The following KCNIP4 variants were observed in gnomAD, a reference collection of about 807,000 sequenced individuals.
KCNIP4 encodes the protein Kv channel-interacting protein 4.
A neutral mutation model predicts 34.0 loss-of-function variants in KCNIP4; 12 were observed. The ratio of observed to expected loss-of-function variants is 0.35; its 90% CI spans 0.23 to 0.57. The LOEUF is 0.57. KCNIP4 is among the 20% of genes least tolerant of loss of function. The pLI is 0.83. For synonymous variants in KCNIP4, 124 were observed against 102.2 expected (o/e 1.21, Z -1.29); for missense variants, 238 against 311.7 (o/e 0.76, Z 1.78).
intron 1 of KCNIP4, among the ~76,000 whole-genome samples, chr4:21,328,319 A>C (rs1208320903): frequency 2.0e-5 from 3 of 152,160 alleles, no homozygotes; most frequent in African/African-American, 7.2e-5. Flanking sequence ...TTGCAGATTC[A>C]TGGAGATACT....
intron 3 of KCNIP4, among the ~76,000 whole-genome samples, chr4:20,796,941 T>C (rs1049426002): frequency 6.6e-6 from 1 of 152,236 alleles, no homozygotes; most frequent in Non-Finnish European, 1.5e-5. Flanking sequence ...CATTTTCTCT[T>C]GAGTAAGTTA....
At chr4:21,758,876 T>A (rs988489825) in intron 1 of KCNIP4, among the ~76,000 whole-genome samples, 2 of 152,138 alleles carry the variant, frequency 1.3e-5, no homozygotes, top group Non-Finnish European at 2.9e-5. Flanking sequence ...TTGGGTAAGA[T>A]GTGTGACTTC....
At chr4:21,198,185 G>A (rs749782162) in intron 1 of KCNIP4, among the ~76,000 whole-genome samples, 39 of 152,162 alleles carry the variant, frequency 2.6e-4, no homozygotes, top group Non-Finnish European at 4.7e-4. Context: ...CATTATTCTC[G>A]CTTCTAACAA....
At chr4:21,877,548 G>A (rs1377089379) in intron 1 of KCNIP4, among the ~76,000 whole-genome samples, 1 of 152,086 alleles carries the variant, frequency 6.6e-6, no homozygotes, top group Non-Finnish European at 1.5e-5. Context: ...TGTATCTTAA[G>A]TCTCTCCTCC....
chr4:21,099,504 G>A (rs56926193), intron 1 of KCNIP4, among the ~76,000 whole-genome samples: 2,527 of 152,100 alleles, frequency 0.017, 81 homozygotes, highest in African/African-American at 0.057. Context: ...ATAGCTAATG[G>A]ATGCTGAGCT....
chr4:21,256,549 T>A (rs552245807), intron 1 of KCNIP4, among the ~76,000 whole-genome samples: 5 of 151,868 alleles, frequency 3.3e-5, no homozygotes, highest in Non-Finnish European at 7.4e-5. Context: ...CAGTGAGCTA[T>A]GATTATGCCA....
chr4:21,520,172 C>T (rs779283063), intron 1 of KCNIP4, among the ~76,000 whole-genome samples: 46 of 152,132 alleles, frequency 3.0e-4, no homozygotes, highest in Non-Finnish European at 5.9e-4. Flanking sequence ...GTTTGCCTTT[C>T]CCAGCCCACT....
intron 1 of KCNIP4, among the ~76,000 whole-genome samples, chr4:21,075,038 G>A (rs1312174641): frequency 6.6e-6 from 1 of 152,162 alleles, no homozygotes; most frequent in East Asian, 1.9e-4. Flanking sequence ...TACATTTGCT[G>A]AGGAGAGCTT....
In KCNIP4 at chr4:21,269,655, A is replaced by G. The variant is rs527713561; in HGVS notation, c.62-386946T>C. 1.4e-3 allele frequency among the ~76,000 whole-genome samples: 216 copies of G among 152,256 alleles called. 1 individual carries two copies. Among genetic ancestry groups the G allele is most frequent in the Non-Finnish European group, 2.3e-3 (154 of 68,016 alleles). On this transcript the variant is annotated intron_variant, in intron 1 of 8. Transcript: ENST00000382152. ...AGCAATCCTCCCACCTCAGCCTCTT[A>G]AAGTGCTGGGATTTTAGGCATGAGC...
chr4:21,381,826 T>C (rs1410106407), intron 1 of KCNIP4, among the ~76,000 whole-genome samples: 5 of 152,184 alleles, frequency 3.3e-5, no homozygotes, highest in Non-Finnish European at 4.4e-5. Context: ...GAGGAGTAAG[T>C]ATTAAATTGT....
At chr4:21,347,602 C>G (rs1717579428) in intron 1 of KCNIP4, among the ~76,000 whole-genome samples, 1 of 152,182 alleles carries the variant, frequency 6.6e-6, no homozygotes. Context: ...TACTGATGTG[C>G]TCTCATACTA....
At chr4:21,496,869 G>C (rs1263014527) in intron 1 of KCNIP4, among the ~76,000 whole-genome samples, 1 of 152,168 alleles carries the variant, frequency 6.6e-6, no homozygotes, top group Non-Finnish European at 1.5e-5. Context: ...AGATGGAACA[G>C]TTTCATCCCC....
chr4:20,883,586 G>A (rs577872495), intron 1 of KCNIP4, among the ~76,000 whole-genome samples: 19 of 152,166 alleles, frequency 1.2e-4, no homozygotes, highest in Admixed American at 5.9e-4. Flanking sequence ...TAGCCTCCCC[G>A]AGATCAGCAT....
chr4:21,002,933 A>G (rs1209624780), intron 1 of KCNIP4, among the ~76,000 whole-genome samples: 2 of 152,218 alleles, frequency 1.3e-5, no homozygotes, highest in Non-Finnish European at 2.9e-5. Flanking sequence ...TTATCAGAGC[A>G]TATCATGGTT....
At chr4:21,384,760 T>C (rs1326855103) in intron 1 of KCNIP4, among the ~76,000 whole-genome samples, 1 of 152,204 alleles carries the variant, frequency 6.6e-6, no homozygotes, top group African/African-American at 2.4e-5. Context: ...CTGTAAATTA[T>C]GGATGACAAC....
intron 1 of KCNIP4, among the ~76,000 whole-genome samples, chr4:21,093,302 T>C (rs558256475): frequency 3.3e-5 from 5 of 152,206 alleles, no homozygotes; most frequent in Non-Finnish European, 7.3e-5. Context: ...ACCTTCCTAA[T>C]AGCCCTTAAT....
intron 1 of KCNIP4, among the ~76,000 whole-genome samples, chr4:21,462,767 G>T (rs1337651237): frequency 3.2e-5 from 1 of 31,018 alleles, no homozygotes; most frequent in Non-Finnish European, 5.1e-5. Context: ...GTATTCCATT[G>T]TGTGTGTGTG....
At chr4:21,123,732 C>A (rs1344143426) in intron 1 of KCNIP4, among the ~76,000 whole-genome samples, 1 of 152,114 alleles carries the variant, frequency 6.6e-6, no homozygotes, top group Non-Finnish European at 1.5e-5. Flanking sequence ...GAGATAAGGT[C>A]ATGTGGGTGG....
At chr4:21,921,067 C>T (rs181218855) in intron 1 of KCNIP4, among the ~76,000 whole-genome samples, 60 of 152,178 alleles carry the variant, frequency 3.9e-4, no homozygotes, top group African/African-American at 1.4e-3. Flanking sequence ...CCTTGTTTAG[C>T]TTCTCTGATA....
Sources: gnomAD v4.1 joint callset for allele counts (sites outside exome capture counted in the v4.1 genomes callset) on GRCh38, gnomAD v4.1.1 for gene constraint, MANE v1.5 for transcripts, NCBI Gene and HGNC (gene_info 2026-07-23, HGNC 2026-07-21) for gene names.